Variants in BCAR3 observed in about 807,000 individuals in gnomAD.
BCAR3 encodes breast cancer anti-estrogen resistance protein 3.
Under a neutral mutation model 80.1 loss-of-function variants are expected in BCAR3, and 37 were observed. That is an observed-to-expected ratio of 0.46 (90% confidence interval 0.36 to 0.61). The LOEUF is 0.61. Ranked by LOEUF, BCAR3 falls within the 20% of genes least tolerant of loss-of-function variation. BCAR3 has a pLI of 0.00. For synonymous variants in BCAR3, 389 were observed against 418.9 expected, an observed-to-expected ratio of 0.93 and a Z score of 0.87; for missense variants, 978 against 1,068.2, an observed-to-expected ratio of 0.92 and a Z score of 1.18.
At chr1:93,579,835 G>A (rs1673627057) in intron 7 of BCAR3, among the ~76,000 whole-genome samples, 1 of 152,224 alleles carries the variant, frequency 6.6e-6, no homozygotes, top group African/African-American at 2.4e-5. Flanking sequence ...CACTGACATG[G>A]TTCTGCTCTC....
intron 2 of BCAR3, among the ~76,000 whole-genome samples, chr1:93,832,973 C>T (rs993481368): frequency 4.6e-5 from 7 of 152,084 alleles, no homozygotes; most frequent in African/African-American, 1.7e-4. Flanking sequence ...CTACTCCCTC[C>T]TTGGTGATGG....
chr1:93,699,887 G>A (rs963388863), intron 3 of BCAR3, among the ~76,000 whole-genome samples: 67 of 152,018 alleles, frequency 4.4e-4, no homozygotes, highest in African/African-American at 1.4e-3. Flanking sequence ...GAGGTTGCCC[G>A]CCATTTGCCA....
intron 2 of BCAR3, among the ~76,000 whole-genome samples, chr1:93,806,253 C>A (rs1003189096): frequency 6.6e-6 from 1 of 152,132 alleles, no homozygotes; most frequent in African/African-American, 2.4e-5. Flanking sequence ...TATGCATAAA[C>A]ACAGGAGCCA....
chr1:93,642,284 G>A lies in BCAR3; in HGVS notation c.357+20C>T. ...CTACTACCCAGGGTCACGGCTACAT[G>A]TTTAATTCTCATTTCCTACCTTCAC... On this transcript the variant is annotated intron_variant, in intron 3 of 11. Transcript: ENST00000260502. 1 of 1,612,118 alleles carries A rather than the reference G, an allele frequency of 6.2e-7. No homozygotes were observed. Among genetic ancestry groups the A allele is most frequent in the African/African-American group, 1.3e-5 (1 of 75,002 alleles).
intron 9 of BCAR3, among the ~76,000 whole-genome samples, chr1:93,568,390 C>G (rs1280863503): frequency 6.6e-6 from 1 of 152,180 alleles, no homozygotes; most frequent in Non-Finnish European, 1.5e-5. Flanking sequence ...GTTTCACATA[C>G]AGCCTGGCCT....
intron 2 of BCAR3, among the ~76,000 whole-genome samples, chr1:93,816,041 A>G (rs17100392): frequency 0.086 from 13,106 of 152,214 alleles, 764 homozygotes; most frequent in East Asian, 0.18. Flanking sequence ...AGAGGTACGT[A>G]TTCAGGCTAT....
chr1:93,804,875 C>T (rs1228160194), intron 2 of BCAR3, among the ~76,000 whole-genome samples: 2 of 152,126 alleles, frequency 1.3e-5, no homozygotes, highest in African/African-American at 4.8e-5. Flanking sequence ...CACTTGTGTA[C>T]AAGTCTTTGT....
At chr1:93,597,116 T>A (rs998711683) in intron 3 of BCAR3, among the ~76,000 whole-genome samples, 4 of 152,126 alleles carry the variant, frequency 2.6e-5, no homozygotes, top group African/African-American at 9.7e-5. Context: ...ACTATGTACA[T>A]AAATAATAAG....
At chr1:93,569,139 A>C (rs565374754) in intron 9 of BCAR3, among the ~76,000 whole-genome samples, 1 of 152,362 alleles carries the variant, frequency 6.6e-6, no homozygotes, top group South Asian at 2.1e-4. Context: ...TAAGTTTTCT[A>C]CATGAAACAA....
upstream of BCAR3, among the ~76,000 whole-genome samples, chr1:93,685,981 C>T (rs1392447515): frequency 1.3e-5 from 2 of 151,874 alleles, no homozygotes; most frequent in Non-Finnish European, 2.9e-5. Flanking sequence ...TACCAATTAT[C>T]TAGGACCTCT....
At position 93,576,121 on chromosome 1, in the gene BCAR3, C is replaced by T; in HGVS notation, c.1695G>A (p.Arg565=). Residue 565 remains arginine, a synonymous_variant, in exon 8 of 12, where the codon AGG becomes AGA. Coordinates refer to ENST00000260502, the MANE Select transcript of BCAR3 (RefSeq NM_003567.4). The part of the protein sequence containing the change: ...HVLSMDCRVA[R]ILGVSEEMRR... ...TCATCTCTTCAGAGACTCCAAGTAT[C>T]CTAGCAACCTGTCAAGAGCCAAAGT... is the stretch of plus-strand genomic sequence containing the variant. 1 of 1,614,104 alleles carries T rather than the reference C, an allele frequency of 6.2e-7. No individual in the cohort carries two copies. The highest frequency in any genetic ancestry group is 8.5e-7 in the Non-Finnish European group (1 of 1,179,980).
rs757368874 is a variant in BCAR3, at chr1:93,589,048, G to A, written c.858C>T (p.Ala286=). The A allele has an allele frequency of 6.2e-7, 1 of 1,610,936 alleles. No homozygotes were observed. The highest frequency in any genetic ancestry group is 2.2e-5 in the East Asian group (1 of 44,776). ...CACCCATGGTGAGGCTCAGCCTCTT[G>A]GCCACATCCGGCCTTCCCTTGGTGA... ...GSLTKGRPDV[A]KRLSLTMGGV... The change falls in exon 5 of 12, where the codon GCC becomes GCT. Residue 286 remains alanine (A), a synonymous_variant. Coordinates refer to ENST00000260502, the MANE Select transcript of BCAR3 (RefSeq NM_003567.4).
chr1:93,761,984 C>T (rs1434699079), intron 2 of BCAR3, among the ~76,000 whole-genome samples: 1 of 152,174 alleles, frequency 6.6e-6, no homozygotes, highest in Non-Finnish European at 1.5e-5. Flanking sequence ...GCATGCAGGC[C>T]CACAGTGCTG....
intron 9 of BCAR3, among the ~76,000 whole-genome samples, chr1:93,568,975 C>A (rs1487763575): frequency 2.0e-5 from 3 of 152,126 alleles, no homozygotes; most frequent in Non-Finnish European, 4.4e-5. Flanking sequence ...ACATGAGACA[C>A]CATGCCTGCT....
At chr1:93,698,489 C>T (rs1571055723) in intron 3 of BCAR3, among the ~76,000 whole-genome samples, 2 of 152,282 alleles carry the variant, frequency 1.3e-5, no homozygotes, top group African/African-American at 2.4e-5. Flanking sequence ...GCTTCCCAGG[C>T]CTGTGACTGT....
At chr1:93,824,550 C>T (rs1654317892) in intron 2 of BCAR3, among the ~76,000 whole-genome samples, 1 of 133,148 alleles carries the variant, frequency 7.5e-6, no homozygotes, top group African/African-American at 2.5e-5. Flanking sequence ...GGGGAAAACA[C>T]TGACCAGGGT....
At chr1:93,740,601 T>G (rs1651142378) in intron 2 of BCAR3, among the ~76,000 whole-genome samples, 1 of 152,252 alleles carries the variant, frequency 6.6e-6, no homozygotes, top group South Asian at 2.1e-4. Context: ...TGTCTTCTGC[T>G]TAGTACTCCC....
At chr1:93,642,267 C>T in intron 3 of BCAR3, 37 bp downstream of exon 3, 3 of 1,605,620 alleles carry the variant, frequency 1.9e-6, no homozygotes, top group Non-Finnish European at 2.6e-6. Flanking sequence ...ATCTACTACC[C>T]AGGGTCACGG....
At chr1:93,796,539 G>A (rs1218539725) in intron 2 of BCAR3, among the ~76,000 whole-genome samples, 2 of 150,910 alleles carry the variant, frequency 1.3e-5, no homozygotes, top group Non-Finnish European at 2.9e-5. Flanking sequence ...GCACACACTG[G>A]CCTGCGCCCA....
Sources: allele counts gnomAD v4.1 joint callset (sites outside exome capture counted in the v4.1 genomes callset), GRCh38; gene constraint gnomAD v4.1.1; transcripts MANE v1.5; gene names NCBI Gene and HGNC (gene_info 2026-07-23, HGNC 2026-07-21).